Variants in SMOX observed in about 807,000 individuals in gnomAD.
SMOX encodes the protein flavin containing amine oxidase.
SMOX carries 22 observed loss-of-function variants against 51.0 expected under a neutral mutation model. That is an observed-to-expected ratio of 0.43 (90% CI 0.31 to 0.62). SMOX has a LOEUF of 0.62. Ranked by LOEUF, SMOX falls within the 20% of genes least tolerant of loss-of-function variation. SMOX has a pLI of 0.10. For missense variants in SMOX, 566 were observed against 777.7 expected (o/e 0.73, Z 3.24); for synonymous variants, 282 against 307.8 (o/e 0.92, Z 0.88).
chr20:4,187,459 C>G lies in SMOX; in HGVS notation c.*52C>G. On this transcript the variant is annotated 3_prime_UTR_variant, in exon 7 of 7. Coordinates refer to ENST00000305958, the MANE Select transcript of SMOX (RefSeq NM_175839.3). The surrounding 1 kb of genome is among the most constrained non-coding windows in gnomAD (Gnocchi z 4.8). ...CACTAACTCGTGACCTCCAGCCTGC[C>G]CCTTGCTGCCGTGTGCTCCTGCCTT... 1 of 1,592,236 alleles carries G rather than the reference C, an allele frequency of 6.3e-7. No homozygotes were observed. The highest frequency in any genetic ancestry group is 1.1e-5 in the South Asian group (1 of 88,112).
chr20:4,169,989 G>A (rs1986754591), intron 1 of SMOX, among the ~76,000 whole-genome samples: 1 of 152,148 alleles, frequency 6.6e-6, no homozygotes, highest in East Asian at 1.9e-4. Flanking sequence ...TGGGTCCAGA[G>A]GGCAAGGCTG....
At chr20:4,155,419 G>GC (rs1985972117) in intron 1 of SMOX, among the ~76,000 whole-genome samples, 6 of 151,904 alleles carry the variant, frequency 3.9e-5, no homozygotes, top group Admixed American at 3.9e-4. Flanking sequence ...TGGGAGTGGG[G>GC]GGGGCCTGGA....
At position 4,177,245 on chromosome 20, in the gene SMOX, C is replaced by G. The variant is rs1400322994; in HGVS notation, c.209-106C>G. The stretch of plus-strand genomic sequence containing the variant: ...GTGGAAGTTCAAGCTCTTTCCTGCC[C>G]TGTTGTAGGGTGGAAAGACCCTCTT... On this transcript the variant is annotated intron_variant, in intron 2 of 6. Transcript: ENST00000305958. This position sits in a 1 kb window ranked among gnomAD's most constrained non-coding sequence, Gnocchi z 4.3. 3.3e-5 allele frequency: 32 copies of G among 982,090 alleles called. No homozygotes were observed. The highest frequency in any genetic ancestry group is 4.7e-5 in the Non-Finnish European group (31 of 663,414). The allele number at this position is 982,090 out of a possible 1,614,324, so 60.8% of individuals were successfully genotyped here. A position where few individuals can be genotyped will look rare whatever the true frequency, so the allele number is the denominator to read the frequency against.
Position 4,177,465 on chromosome 20 carries a change from G to A in SMOX, c.323G>A (p.Ser108Asn). 6.3e-7 allele frequency: 1 copy of A among 1,575,906 alleles called. No individual in the cohort carries two copies. Among genetic ancestry groups the A allele is most frequent in the Non-Finnish European group, 8.6e-7 (1 of 1,159,216 alleles). The change falls in exon 3 of 7, where the codon AGC (serine) becomes AAC (asparagine). Residue 108 changes from serine to asparagine, a missense_variant. Ser to Asn is a conservative substitution (Grantham distance 46, BLOSUM62 1). This residue lies in a region of SMOX where 217 missense variants were observed against 278.4 expected (regional missense o/e 0.78). Transcript: ENST00000305958. This position sits in a 1 kb window ranked among gnomAD's most constrained non-coding sequence, Gnocchi z 4.3. ...LLEETTDGERSVGRISLYSKN... is the reference protein window; with the variant it reads ...LLEETTDGERNVGRISLYSKN... ...GAAGAGACAACCGATGGGGAACGCA[G>A]CGTGGGCCGCATCAGCCTCTATTCC...
intron 3 of SMOX, among the ~76,000 whole-genome samples, chr20:4,179,979 G>C (rs1186419173): frequency 6.6e-6 from 1 of 152,206 alleles, no homozygotes; most frequent in African/African-American, 2.4e-5. Context: ...CTGATGCAAA[G>C]AGTCATGTCG....
chr20:4,159,846 C>G (rs1050122884), intron 1 of SMOX, among the ~76,000 whole-genome samples: 1 of 152,174 alleles, frequency 6.6e-6, no homozygotes, highest in Non-Finnish European at 1.5e-5. Context: ...CTGGTTCCAG[C>G]CCTCGCGTGG....
chr20:4,186,891 T>A, intron 6 of SMOX: 1 of 766,712 alleles, frequency 1.3e-6, no homozygotes, highest in East Asian at 2.4e-5. Context: ...TCTAAGTGCT[T>A]TAGATACATG....
Position 4,182,264 on chromosome 20 carries a change from G to T in SMOX, c.785G>T (p.Arg262Leu). The T allele has an allele frequency of 5.0e-6, 8 of 1,613,392 alleles. No homozygotes were observed. The highest frequency in any genetic ancestry group is 6.8e-6 in the Non-Finnish European group (8 of 1,179,730). The change falls in exon 5 of 7, where the codon CGC becomes CTC. Residue 262 changes from arginine (R) to leucine (L), a missense_variant. Around this residue, in one of 3 missense-constraint regions of SMOX, gnomAD observed 347 missense variants for 481.8 expected, o/e 0.72. Transcript: ENST00000305958. This position sits in a 1 kb window ranked among gnomAD's most constrained non-coding sequence, Gnocchi z 8.4. ...GTCATCCAGCTAGGGAAACCTGTCC[G>T]CTGCATTCACTGGGACCAGGCCTCA... is the stretch of plus-strand genomic sequence containing the variant. ...AHVIQLGKPVRCIHWDQASAR... is the reference protein window; with the variant it reads ...AHVIQLGKPVLCIHWDQASAR...
At position 4,177,569 on chromosome 20, in the gene SMOX, T is replaced by C; in HGVS notation, c.427T>C (p.Tyr143His). The C allele has an allele frequency of 6.3e-7, 1 of 1,585,406 alleles. No homozygotes were observed. Among genetic ancestry groups the C allele is most frequent in the Non-Finnish European group, 8.6e-7 (1 of 1,164,518 alleles). Residue 143 changes from tyrosine to histidine, a missense_variant, in exon 3 of 7, where the codon TAC becomes CAC. Tyr to His is a moderately conservative substitution (Grantham distance 83, BLOSUM62 2). This residue lies in a region of SMOX where 217 missense variants were observed against 278.4 expected (regional missense o/e 0.78). Transcript: ENST00000305958. The surrounding 1 kb of genome is among the most constrained non-coding windows in gnomAD (Gnocchi z 4.3). ...KDVVEEFSDL[Y>H]NEVYNLTQEF... ...CGTGGTTGAGGAATTCAGCGATTTA[T>C]ACAACGAGGTAAGGTGTGAGCAGAG...
chr20:4,157,272 C>A (rs756597586), intron 1 of SMOX, among the ~76,000 whole-genome samples: 1 of 152,164 alleles, frequency 6.6e-6, no homozygotes, highest in Non-Finnish European at 1.5e-5. Flanking sequence ...GTTGGCTGCT[C>A]TTACTACTGG....
chr20:4,161,619 GT>G (rs1444651675), intron 1 of SMOX, among the ~76,000 whole-genome samples: 1 of 152,170 alleles, frequency 6.6e-6, no homozygotes, highest in Admixed American at 6.5e-5. Flanking sequence ...TCCCCAGGAG[GT>G]TGACACAGCA....
intron 1 of SMOX, among the ~76,000 whole-genome samples, chr20:4,158,381 G>T (rs1315107712): frequency 6.6e-6 from 1 of 152,116 alleles, no homozygotes; most frequent in African/African-American, 2.4e-5. Context: ...TAGGAGCCCA[G>T]TGCTCTCTAA....
chr20:4,162,495 C>G (rs1986383632), intron 1 of SMOX, among the ~76,000 whole-genome samples: 1 of 152,236 alleles, frequency 6.6e-6, no homozygotes, highest in African/African-American at 2.4e-5. Flanking sequence ...TCCACCCCCT[C>G]TTCCACCCTC....
intron 1 of SMOX, among the ~76,000 whole-genome samples, chr20:4,165,640 G>A (rs1395849435): frequency 6.6e-6 from 1 of 152,208 alleles, no homozygotes; most frequent in African/African-American, 2.4e-5. Context: ...AGTAGACTTT[G>A]CTGGGGATAC....
intron 1 of SMOX, among the ~76,000 whole-genome samples, chr20:4,160,986 C>T (rs567788492): frequency 7.2e-5 from 11 of 152,200 alleles, no homozygotes; most frequent in Non-Finnish European, 1.3e-4. Context: ...TGCAGAGTCA[C>T]GAGGGGCCGC....
rs547536907 is a variant in SMOX, at chr20:4,170,794, A to G, written c.-26-4236A>G. On this transcript the variant is annotated intron_variant, in intron 1 of 6. Transcript: ENST00000305958. This position sits in a 1 kb window ranked among gnomAD's most constrained non-coding sequence, Gnocchi z 4.6. ...CCAATGTGGCCTCTTGGGACACTTCAGTCAGGGTGGTGGTGGCTCTGGACA... is the reference window on the plus strand; with the variant it reads ...CCAATGTGGCCTCTTGGGACACTTCGGTCAGGGTGGTGGTGGCTCTGGACA... 6.6e-6 allele frequency among the ~76,000 whole-genome samples: 1 copy of G among 152,136 alleles called. No homozygotes were observed. The highest frequency in any genetic ancestry group is 6.5e-5 in the Admixed American group (1 of 15,278).
intron 1 of SMOX, among the ~76,000 whole-genome samples, chr20:4,171,338 A>G (rs943730476): frequency 1.3e-5 from 2 of 152,162 alleles, no homozygotes; most frequent in Non-Finnish European, 2.9e-5. Context: ...AACAGAAAAC[A>G]AGTTGCCCCT....
intron 1 of SMOX, among the ~76,000 whole-genome samples, chr20:4,158,665 A>C (rs1384385073): frequency 5.3e-5 from 8 of 152,094 alleles, no homozygotes; most frequent in African/African-American, 1.9e-4. Context: ...TGTCTTCCCC[A>C]TGCAGCCCCG....
chr20:4,158,150 T>C (rs1382890883), intron 1 of SMOX, among the ~76,000 whole-genome samples: 1 of 151,666 alleles, frequency 6.6e-6, no homozygotes, highest in Non-Finnish European at 1.5e-5. Flanking sequence ...TCCGCCCGCC[T>C]TGGCCTCCCA....
Sources: gnomAD v4.1 joint callset for allele counts (sites outside exome capture counted in the v4.1 genomes callset) on GRCh38, gnomAD v4.1.1 for gene constraint, gnomAD v4.1.1 regional missense constraint, Gnocchi (gnomAD v3.1) non-coding constraint, MANE v1.5 for transcripts, NCBI Gene and HGNC (gene_info 2026-07-23, HGNC 2026-07-21) for gene names.